The following CEP83 variants were observed in gnomAD, a reference collection of about 807,000 sequenced individuals.
CEP83 encodes the protein centrosomal protein 83, also known as centrosomal protein of 83 kDa.
CEP83 carries 70 observed loss-of-function variants against 101.9 expected under a neutral mutation model. The ratio of observed to expected loss-of-function variants is 0.69; its 90% CI spans 0.57 to 0.84. The LOEUF (loss-of-function observed/expected upper bound fraction) is 0.84. CEP83 is among the 40% of genes least tolerant of loss of function. The pLI is 0.00. For missense variants in CEP83, 715 were observed against 787.2 expected (o/e 0.91, Z 1.10); for synonymous variants, 264 against 267.9 (o/e 0.99, Z 0.14).
chr12:94,322,129 G>A (rs1305106446), intron 14 of CEP83, among the ~76,000 whole-genome samples: 8 of 152,054 alleles, frequency 5.3e-5, no homozygotes, highest in Admixed American at 4.6e-4. Flanking sequence ...ACCTAGTGAG[G>A]AGTAACAGGA....
the CEP83 span, among the ~76,000 whole-genome samples, chr12:94,295,423 T>C: frequency 1.3e-5 from 2 of 152,196 alleles, no homozygotes; most frequent in Non-Finnish European, 2.9e-5. Flanking sequence ...TGTTGAAAAG[T>C]GGAAGAGCAT....
chr12:94,453,178 A>G (rs1208868953), intron 1 of CEP83, among the ~76,000 whole-genome samples: 1 of 151,962 alleles, frequency 6.6e-6, no homozygotes, highest in African/African-American at 2.4e-5. Context: ...CCCCCTTCCT[A>G]TTACATGCTG....
intron 6 of CEP83, among the ~76,000 whole-genome samples, chr12:94,389,661 C>T (rs532626346): frequency 9.2e-5 from 14 of 152,224 alleles, no homozygotes; most frequent in East Asian, 5.8e-4. Flanking sequence ...TGAAGCAGGG[C>T]GGGGCATCAC....
chr12:94,316,802 G>A (rs759324531), intron 14 of CEP83, among the ~76,000 whole-genome samples: 4 of 151,850 alleles, frequency 2.6e-5, no homozygotes, highest in African/African-American at 4.8e-5. Context: ...TATATATACC[G>A]CATTTTCTTT....
chr12:94,424,223 A>G, intron 2 of CEP83: 1 of 1,612,714 alleles, frequency 6.2e-7, no homozygotes, highest in South Asian at 1.1e-5. Context: ...GTCATAGGTC[A>G]AGGCCATGAT....
At chr12:94,424,012 T>C in intron 2 of CEP83, 3 of 1,613,210 alleles carry the variant, frequency 1.9e-6, no homozygotes, top group Non-Finnish European at 2.5e-6. Context: ...GTGTCAGAAC[T>C]GAACCTGAAG....
intron 6 of CEP83, among the ~76,000 whole-genome samples, chr12:94,392,395 T>C (rs1445003063): frequency 6.6e-6 from 1 of 152,004 alleles, no homozygotes; most frequent in African/African-American, 2.4e-5. Context: ...GACTACTGGG[T>C]AAATAACGAA....
intron 11 of CEP83, among the ~76,000 whole-genome samples, chr12:94,353,287 A>G (rs1237140985): frequency 1.3e-5 from 2 of 152,212 alleles, no homozygotes; most frequent in Non-Finnish European, 2.9e-5. Flanking sequence ...AGTCTTTCTC[A>G]GACAAGCAAA....
At chr12:94,370,287 T>G (rs1008344022) in intron 8 of CEP83, among the ~76,000 whole-genome samples, 1 of 152,226 alleles carries the variant, frequency 6.6e-6, no homozygotes, top group Non-Finnish European at 1.5e-5. Flanking sequence ...GGCTTAATCT[T>G]GCCTTAAAGA....
chr12:94,363,605 GATAA>G (rs1264615054), intron 11 of CEP83, among the ~76,000 whole-genome samples: 1 of 152,018 alleles, frequency 6.6e-6, no homozygotes, highest in African/African-American at 2.4e-5. Context: ...TAAACAAATC[GATAA>G]ATATAGTATA....
chr12:94,357,049 A>T (rs1593378587), intron 11 of CEP83, among the ~76,000 whole-genome samples: 1 of 152,206 alleles, frequency 6.6e-6, no homozygotes, highest in Admixed American at 6.5e-5. Context: ...CAAGGGAACC[A>T]TATGTTGATT....
chr12:94,420,332 T>C (rs975545134), intron 2 of CEP83, among the ~76,000 whole-genome samples: 3 of 152,238 alleles, frequency 2.0e-5, no homozygotes, highest in Non-Finnish European at 4.4e-5. Context: ...ATTTATATGA[T>C]ACTGTTCATA....
intron 11 of CEP83, among the ~76,000 whole-genome samples, chr12:94,367,297 AACC>A (rs1158395892): frequency 2.0e-5 from 3 of 152,170 alleles, no homozygotes; most frequent in African/African-American, 4.8e-5. Context: ...ATACCACCTT[AACC>A]AAGTGATCAA....
the CEP83 span, among the ~76,000 whole-genome samples, chr12:94,285,659 C>A: frequency 2.6e-5 from 4 of 152,092 alleles, no homozygotes; most frequent in Admixed American, 2.6e-4. Context: ...AAAACACGGC[C>A]CCAGAGGGAA....
At chr12:94,456,013 G>T (rs2067648427) in intron 1 of CEP83, among the ~76,000 whole-genome samples, 1 of 149,474 alleles carries the variant, frequency 6.7e-6, no homozygotes, top group Non-Finnish European at 1.5e-5. Context: ...GCACCACTAC[G>T]CTCCAGCCTG....
intron 11 of CEP83, among the ~76,000 whole-genome samples, chr12:94,339,207 CT>C (rs2059577730): frequency 6.6e-6 from 1 of 152,184 alleles, no homozygotes; most frequent in East Asian, 1.9e-4. Context: ...CTCAGGTAAT[CT>C]GCCCGCCTTG....
chr12:94,362,789 C>T lies in CEP83; in HGVS notation c.1343+5005G>A, dbSNP rs749354178. ...GTAAGCAAGATATGGAATCAACCTA[C>T]GTGCCCATCAACGGATGGATAAAGA... On this transcript the variant is annotated intron_variant, in intron 11 of 16. Transcript: ENST00000397809. Among the ~76,000 whole-genome samples, 5 of 152,340 alleles carry T rather than the reference C, an allele frequency of 3.3e-5. No homozygotes were observed. In the East Asian group the frequency reaches 7.7e-4, roughly 23 times the overall value.
At chr12:94,314,291 A>C (rs1435046353) in intron 14 of CEP83, among the ~76,000 whole-genome samples, 1 of 152,162 alleles carries the variant, frequency 6.6e-6, no homozygotes. Context: ...AAAACCACAA[A>C]ACAAATGCTG....
At chr12:94,424,716 T>C in intron 2 of CEP83, 3 of 1,609,558 alleles carry the variant, frequency 1.9e-6, no homozygotes, top group Non-Finnish European at 2.6e-6. Flanking sequence ...ACGGCCTTAG[T>C]GGAAACAATC....
Sources: gnomAD v4.1 joint callset for allele counts (sites outside exome capture counted in the v4.1 genomes callset) on GRCh38, gnomAD v4.1.1 for gene constraint, MANE v1.5 for transcripts, NCBI Gene and HGNC (gene_info 2026-07-23, HGNC 2026-07-21) for gene names.